NRXN3: variants seen among roughly 807,000 people sequenced by gnomAD.
NRXN3 encodes neurexin 3.
A neutral mutation model predicts 137.6 loss-of-function variants in NRXN3; 32 were observed. That is an observed-to-expected ratio of 0.23 (90% CI 0.18 to 0.31). The LOEUF is 0.31. NRXN3 is among the 10% of genes least tolerant of loss of function. NRXN3 has a pLI of 1.00. For missense variants in NRXN3, 1,574 were observed against 2,062.5 expected (o/e 0.76, Z 4.59); for synonymous variants, 798 against 784.5 (o/e 1.02, Z -0.29).
intron 15 of NRXN3, among the ~76,000 whole-genome samples, chr14:79,061,668 T>G (rs748215489): frequency 5.9e-5 from 9 of 152,160 alleles, no homozygotes; most frequent in Non-Finnish European, 1.3e-4. Context: ...TTTGAGGACA[T>G]CCAACACCCA....
chr14:78,720,318 ATT>A (rs1211637245), intron 8 of NRXN3, among the ~76,000 whole-genome samples: 1 of 152,242 alleles, frequency 6.6e-6, no homozygotes, highest in Non-Finnish European at 1.5e-5. Flanking sequence ...AAGCTACTTA[ATT>A]AATAGCTACT....
chr14:79,757,890 C>A lies in NRXN3; in HGVS notation c.4015-47222C>A, dbSNP rs73332283. The stretch of plus-strand genomic sequence containing the variant: ...TATCATCAAAAGGTGAATATCAGGT[C>A]AAAGCAAAAGAAACCACATTAATTT... On this transcript the variant is annotated intron_variant, in intron 19 of 20. Coordinates refer to ENST00000335750, the MANE Select transcript of NRXN3 (RefSeq NM_001330195.2). Among the ~76,000 whole-genome samples, 740 of 152,222 alleles carry A rather than the reference C, an allele frequency of 4.9e-3. 7 individuals are homozygous for A. Among genetic ancestry groups the A allele is most frequent in the African/African-American group, 0.017 (714 of 41,522 alleles).
rs77758440 is a variant in NRXN3, at chr14:78,698,597, G to A, written c.1222-10620G>A. On this transcript the variant is annotated intron_variant, in intron 6 of 20. Transcript: ENST00000335750. ...TAGAGGTGTCCAGTAGCCCCTTAGCGTGCCTCAGAGTGGGAGGTAGTGTTG... is the reference window on the plus strand; with the variant it reads ...TAGAGGTGTCCAGTAGCCCCTTAGCATGCCTCAGAGTGGGAGGTAGTGTTG... Among the ~76,000 whole-genome samples the A allele has an allele frequency of 5.9e-3, 891 of 152,042 alleles. 47 individuals are homozygous for A. In the East Asian group the frequency reaches 0.13, roughly 22 times the overall value.
At position 79,460,379 on chromosome 14, in the gene NRXN3, T is replaced by G. The variant is rs536406394; in HGVS notation, c.3263-6842T>G. ...GGTATTTACCACCAGAATTAAGTAGTGGTAGACTTTTTTTTATTCATGGAA... is the reference window on the plus strand; with the variant it reads ...GGTATTTACCACCAGAATTAAGTAGGGGTAGACTTTTTTTTATTCATGGAA... On this transcript the variant is annotated intron_variant, in intron 15 of 20. Coordinates refer to ENST00000335750, the MANE Select transcript of NRXN3 (RefSeq NM_001330195.2). Among the ~76,000 whole-genome samples the G allele has an allele frequency of 2.0e-5, 3 of 152,264 alleles. No homozygotes were observed. The South Asian group carries it at 6.2e-4, about 32-fold the overall frequency.
Position 78,499,947 on chromosome 14 carries a change from C to T in NRXN3, c.758-145173C>T, listed in dbSNP as rs76135925. ...TAAAGTAATCACAGAATTGATACCC[C>T]ATCAACTTTGCTGTATTCTGTTTGT... On this transcript the variant is annotated intron_variant, in intron 4 of 20. Coordinates refer to ENST00000335750, the MANE Select transcript of NRXN3 (RefSeq NM_001330195.2). Among the ~76,000 whole-genome samples the T allele has an allele frequency of 3.9e-3, 587 of 152,216 alleles. 2 individuals are homozygous for T. The highest frequency in any genetic ancestry group is 6.4e-3 in the Non-Finnish European group (436 of 68,000).
At chr14:78,446,924 C>A (rs1374444105) in intron 4 of NRXN3, among the ~76,000 whole-genome samples, 1 of 152,156 alleles carries the variant, frequency 6.6e-6, no homozygotes, top group Non-Finnish European at 1.5e-5. Flanking sequence ...ATGACATGGT[C>A]CCTCATTCCA....
intron 2 of NRXN3, among the ~76,000 whole-genome samples, chr14:78,267,962 A>G: frequency 6.6e-6 from 1 of 152,222 alleles, no homozygotes; most frequent in East Asian, 1.9e-4. Flanking sequence ...GAATAGAACC[A>G]GACACAAAGG....
At chr14:79,288,779 A>G (rs903454359) in intron 15 of NRXN3, among the ~76,000 whole-genome samples, 1 of 152,220 alleles carries the variant, frequency 6.6e-6, no homozygotes, top group African/African-American at 2.4e-5. Flanking sequence ...AAGCATCTAC[A>G]AGACTTTCCA....
chr14:79,685,505 T>C (rs573851644), intron 17 of NRXN3, among the ~76,000 whole-genome samples: 2 of 152,320 alleles, frequency 1.3e-5, no homozygotes, highest in East Asian at 3.9e-4. Context: ...AACATGGCCT[T>C]TTTGAGAGGG....
intron 4 of NRXN3, among the ~76,000 whole-genome samples, chr14:78,411,237 A>G (rs2092810487): frequency 6.6e-6 from 1 of 152,188 alleles, no homozygotes; most frequent in South Asian, 2.1e-4. Context: ...ACTTCACAAC[A>G]CTAAGCATGT....
chr14:78,989,358 C>T (rs929055667), intron 15 of NRXN3, among the ~76,000 whole-genome samples: 6 of 152,040 alleles, frequency 3.9e-5, no homozygotes, highest in African/African-American at 4.8e-5. Context: ...TTCTTTTTCC[C>T]GTTTTTTCTC....
chr14:78,305,152 G>A (rs529332560), intron 4 of NRXN3, among the ~76,000 whole-genome samples: 52 of 152,230 alleles, frequency 3.4e-4, no homozygotes, highest in Admixed American at 2.7e-3. Context: ...CACTACCTTC[G>A]GAGAGGCTGG....
intron 16 of NRXN3, among the ~76,000 whole-genome samples, chr14:79,547,257 A>G (rs2097329839): frequency 6.6e-6 from 1 of 152,088 alleles, no homozygotes; most frequent in Non-Finnish European, 1.5e-5. Flanking sequence ...TTGTGCAATA[A>G]TCTTTTTCTG....
intron 10 of NRXN3, among the ~76,000 whole-genome samples, chr14:78,885,725 C>T (rs933948491): frequency 3.3e-5 from 5 of 152,026 alleles, no homozygotes; most frequent in Non-Finnish European, 7.4e-5. Context: ...TATTAATGAA[C>T]AGAAGATATA....
intron 20 of NRXN3, among the ~76,000 whole-genome samples, chr14:79,854,908 A>G (rs984689168): frequency 1.3e-5 from 2 of 152,236 alleles, no homozygotes. Flanking sequence ...GCAGATATCA[A>G]GAATCCCAGG....
At chr14:79,426,376 A>C (rs1315578452) in intron 15 of NRXN3, among the ~76,000 whole-genome samples, 1 of 151,982 alleles carries the variant, frequency 6.6e-6, no homozygotes, top group African/African-American at 2.4e-5. Context: ...AGAGAAATTC[A>C]CTCCCATTGA....
intron 15 of NRXN3, among the ~76,000 whole-genome samples, chr14:79,441,557 T>G (rs1217596835): frequency 6.6e-6 from 1 of 151,692 alleles, no homozygotes; most frequent in African/African-American, 2.4e-5. Flanking sequence ...TTTGTTTGTA[T>G]TTTTAGTAGA....
chr14:78,481,848 ACT>A (rs530140871), intron 4 of NRXN3, among the ~76,000 whole-genome samples: 66 of 151,660 alleles, frequency 4.4e-4, no homozygotes, highest in African/African-American at 1.4e-3. Flanking sequence ...TGAACTCAAG[ACT>A]CTTTTATATT....
Position 79,634,010 on chromosome 14 carries a change from T to TA in NRXN3, c.3445-29757dup, listed in dbSNP as rs879530622. ...CCATAAACACAAAACCAAAACCACT[T>TA]AAAAAAAAAAATCTTAGGCTGTCCC... On this transcript the variant is annotated intron_variant, in intron 16 of 20. Transcript: ENST00000335750. Among the ~76,000 whole-genome samples the TA allele has an allele frequency of 2.4e-4, 32 of 135,554 alleles. No individual in the cohort carries two copies. The South Asian group carries it at 3.9e-3, about 17-fold the overall frequency. 88.9% of individuals were successfully genotyped at this position (135,554 alleles called of 152,430 possible). A position where few individuals can be genotyped will look rare whatever the true frequency, so the allele number is the denominator to read the frequency against.
Sources: gnomAD v4.1 joint callset for allele counts (sites outside exome capture counted in the v4.1 genomes callset) on GRCh38, gnomAD v4.1.1 for gene constraint, MANE v1.5 for transcripts, NCBI Gene and HGNC (gene_info 2026-07-23, HGNC 2026-07-21) for gene names.